The following WDR90 variants were observed in gnomAD, a reference collection of about 807,000 sequenced individuals.
WDR90 encodes WD repeat domain 90.
WDR90 carries 238 observed loss-of-function variants against 195.2 expected under a neutral mutation model. The ratio of observed to expected loss-of-function variants is 1.22; its 90% CI spans 1.10 to 1.36. WDR90 has a LOEUF of 1.36. WDR90 is among the 40% of genes most tolerant of loss of function. The probability of loss-of-function intolerance (pLI) is 0.00; values close to 1 mark genes in which losing one functional copy is unlikely to be tolerated. For missense variants in WDR90, 2,734 were observed against 2,439.5 expected (o/e 1.12, Z -2.54); for synonymous variants, 1,265 against 1,052.4 (o/e 1.20, Z -3.91).
intron 27 of WDR90, 61 bp from the exon 28 acceptor site, chr16:660,551 G>A: frequency 6.6e-7 from 1 of 1,513,264 alleles, no homozygotes; most frequent in Non-Finnish European, 9.0e-7. Flanking sequence ...CCCATGTGCA[G>A]GCTTTGGGGC....
chr16:655,296 A>C lies in WDR90; in HGVS notation c.1557-11A>C, dbSNP rs777406856. The C allele has an allele frequency of 1.2e-6, 2 of 1,608,072 alleles. No individual in the cohort carries two copies. Among genetic ancestry groups the C allele is most frequent in the Non-Finnish European group, 1.7e-6 (2 of 1,179,738 alleles). On this transcript the variant is annotated splice_polypyrimidine_tract_variant and intron_variant, in intron 14 of 40. Transcript: ENST00000293879. ...CGAGCTGCGGCAGTGCTCAGTCCTC[A>C]TTCCTTGCAGGATGGCGTCGTGCGG...
In WDR90 at chr16:656,728, A is replaced by G. The variant is rs1274366154; in HGVS notation, c.2203-4A>G. Reference sequence around the variant, plus strand: ...CTCCCCTCAGCACGGCCCCTGTCCCACAGCTATACGACTTCACATCATCAG... The same window carrying G: ...CTCCCCTCAGCACGGCCCCTGTCCCGCAGCTATACGACTTCACATCATCAG... On this transcript the variant is annotated splice_polypyrimidine_tract_variant and splice_region_variant and intron_variant, in intron 18 of 40. Transcript: ENST00000293879. 3 of 1,611,574 alleles carry G rather than the reference A, an allele frequency of 1.9e-6. No individual in the cohort carries two copies. The highest frequency in any genetic ancestry group is 1.1e-5 in the South Asian group (1 of 90,942).
At position 656,314 on chromosome 16, in the gene WDR90, C is replaced by G; in HGVS notation, c.1979C>G (p.Pro660Arg). Residue 660 changes from proline to arginine, a missense_variant, in exon 18 of 41, where the codon CCC (proline) becomes CGC (arginine). Physicochemically the swap from Pro to Arg is moderately radical, Grantham distance 103. Transcript: ENST00000293879. ...ACCCCACCCACAGAGCACGAGGGCC[C>G]CGTCAGCTCAGTCTGTGTCAGCCCC... ...SVLLEAEHEG[P>R]VSSVCVSPDG... The G allele has an allele frequency of 1.2e-6, 2 of 1,607,916 alleles. No individual in the cohort carries two copies. The highest frequency in any genetic ancestry group is 2.3e-4 in the Middle Eastern group (1 of 4,442).
chr16:650,287 C>G lies in WDR90; in HGVS notation c.313C>G (p.Leu105Val), dbSNP rs1028721957. The change falls in exon 4 of 41, where the codon CTC (leucine) becomes GTC (valine). Residue 105 changes from leucine to valine, a missense_variant. Physicochemically the swap from Leu to Val is conservative, Grantham distance 32. Transcript: ENST00000293879. ...AGTCATCCGTGTGTCTTTCTCCAACCTCTTCAAGGAGTTTAAGTCTACGGC... is the reference window on the plus strand; with the variant it reads ...AGTCATCCGTGTGTCTTTCTCCAACGTCTTCAAGGAGTTTAAGTCTACGGC... The part of the protein sequence containing the change: ...NQVIRVSFSN[L>V]FKEFKSTATW... The G allele has an allele frequency of 2.6e-5, 42 of 1,612,886 alleles. No homozygotes were observed. The highest frequency in any genetic ancestry group is 3.6e-5 in the Non-Finnish European group (42 of 1,179,960).
chr16:654,147 A>C (rs1596460686), intron 13 of WDR90: 1 of 358,390 alleles, frequency 2.8e-6, no homozygotes, highest in Non-Finnish European at 5.0e-6. Context: ...CATCAATGGC[A>C]CCTCCACACA....
intron 10 of WDR90, 123 bp downstream of exon 10, chr16:652,658 CT>C (rs1324189684): frequency 2.6e-5 from 28 of 1,070,810 alleles, no homozygotes; most frequent in South Asian, 2.6e-4. Flanking sequence ...CCGAGCCCCC[CT>C]GGCACAGCGG....
In WDR90 at chr16:655,471, G is replaced by C. The variant is rs377228436; in HGVS notation, c.1718+3G>C. ...CCGGAGCCCTCGGCTGCCATGCTGTGAGTCCCTGCCCTTCCCCACGGCCTG... is the reference window on the plus strand; with the variant it reads ...CCGGAGCCCTCGGCTGCCATGCTGTCAGTCCCTGCCCTTCCCCACGGCCTG... On this transcript the variant is annotated splice_donor_region_variant and intron_variant, in intron 15 of 40. Transcript: ENST00000293879. The C allele has an allele frequency of 1.4e-4, 218 of 1,533,316 alleles. No individual in the cohort carries two copies. The highest frequency in any genetic ancestry group is 1.9e-4 in the Non-Finnish European group (215 of 1,140,796). 95.0% of individuals were successfully genotyped at this position (1,533,316 alleles called of 1,614,324 possible).
At position 649,917 on chromosome 16, in the gene WDR90, GC is replaced by G. The variant is rs2037606363; in HGVS notation, c.102+68del. ...GCCCTGCCCCCAGGAGAGCTGCCCC[GC>G]CCCCGAGGGCCCCCTCGCCCCCGCT... On this transcript the variant is annotated intron_variant, in intron 2 of 40. Transcript: ENST00000293879. The G allele has an allele frequency of 1.9e-6, 3 of 1,576,866 alleles. No individual in the cohort carries two copies. In the Admixed American group the frequency reaches 5.2e-5, roughly 27 times the overall value.
intron 34 of WDR90, chr16:665,404 C>T: frequency 1.7e-6 from 1 of 591,456 alleles, no homozygotes; most frequent in Non-Finnish European, 3.0e-6. Flanking sequence ...GGCCACGCTC[C>T]TGTCTTTGAG....
chr16:659,229 G>C lies in WDR90; in HGVS notation c.3053-16G>C. 1.2e-6 allele frequency: 2 copies of C among 1,611,488 alleles called. No individual in the cohort carries two copies. The highest frequency in any genetic ancestry group is 2.2e-5 in the East Asian group (1 of 44,864). On this transcript the variant is annotated splice_polypyrimidine_tract_variant and intron_variant, in intron 25 of 40. Transcript: ENST00000293879. Reference sequence around the variant, plus strand: ...CCTCTTCCTTCCCAAACATCACAGGGCTGCTTCTTCCCCAGGCCCGGGCGC... The same window carrying C: ...CCTCTTCCTTCCCAAACATCACAGGCCTGCTTCTTCCCCAGGCCCGGGCGC...
At position 666,140 on chromosome 16, in the gene WDR90, T is replaced by C. The variant is rs1399967843; in HGVS notation, c.4609+16T>C. 4 of 1,607,274 alleles carry C rather than the reference T, an allele frequency of 2.5e-6. No homozygotes were observed. Among genetic ancestry groups the C allele is most frequent in the Non-Finnish European group, 3.4e-6 (4 of 1,175,886 alleles). ...TCCACCGATGGTGAGGAGTTGGGTG[T>C]GTTGGGGATGGTGCCGTCCTGACCT... On this transcript the variant is annotated intron_variant, in intron 36 of 40. Transcript: ENST00000293879.
intron 9 of WDR90, 51 bp from the exon 10 acceptor site, chr16:652,416 C>T: frequency 1.9e-6 from 3 of 1,552,486 alleles, no homozygotes; most frequent in South Asian, 2.4e-5. Context: ...GTCGGGCATT[C>T]TGGGGACCTG....
rs760704568 is a variant in WDR90, at chr16:653,652, A to C, written c.1361A>C (p.His454Pro). Residue 454 changes from histidine (H) to proline (P), a missense_variant, in exon 12 of 41, where the codon CAC (histidine) becomes CCC (proline). Coordinates refer to ENST00000293879, the MANE Select transcript of WDR90 (RefSeq NM_145294.5). ...TTGTGCCTGTTCCGGAGCCCAATGC[A>C]CGTTGTCTGCTCTCTCAGGTGAGCA... ...RCLCLFRSPMHVVCSLSFSDS... is the reference protein window; with the variant it reads ...RCLCLFRSPMPVVCSLSFSDS... The C allele has an allele frequency of 1.4e-5, 23 of 1,613,378 alleles. No individual in the cohort carries two copies. The South Asian group carries it at 2.0e-4, about 14-fold the overall frequency.
chr16:649,476 G>A (rs1180984282), intron 1 of WDR90, 50 bp downstream of exon 1: 9 of 1,286,268 alleles, frequency 7.0e-6, no homozygotes, highest in Non-Finnish European at 8.8e-6. Flanking sequence ...CCGGGGTTCC[G>A]GGGTCCAGGG....
Position 650,598 on chromosome 16 carries a change from G to A in WDR90, c.448G>A (p.Asp150Asn). ...RWTCLQLDLQ[D>N]VLLVYLNRCY... The stretch of plus-strand genomic sequence containing the variant: ...GACCTGCCTGCAGCTCGATCTGCAG[G>A]ACGTTCTCCTGGTCTACCTGAACCG... Residue 150 changes from aspartate to asparagine, a missense_variant, in exon 5 of 41, where the codon GAC (aspartate) becomes AAC (asparagine). By Grantham distance (23) the Asp-to-Asn change is conservative. Transcript: ENST00000293879. 6.2e-7 allele frequency: 1 copy of A among 1,612,736 alleles called. No homozygotes were observed. Among genetic ancestry groups the A allele is most frequent in the Non-Finnish European group, 8.5e-7 (1 of 1,179,900 alleles).
At chr16:653,475 C>T (rs368393262) in intron 11 of WDR90, 24 bp downstream of exon 11, 1 of 1,612,252 alleles carries the variant, frequency 6.2e-7, no homozygotes, top group Non-Finnish European at 8.5e-7. Flanking sequence ...GGGCCTGGGG[C>T]AGCTCACACC....
In WDR90 at chr16:658,890, C is replaced by A; in HGVS notation, c.2896-6C>A. On this transcript the variant is annotated splice_polypyrimidine_tract_variant and splice_region_variant and intron_variant, in intron 23 of 40. Transcript: ENST00000293879. Reference sequence around the variant, plus strand: ...GGGGTCCTGCATGTGACGCCGCTACCCCTAGGTGTACATCGGCCACTCGGA... The same window carrying A: ...GGGGTCCTGCATGTGACGCCGCTACACCTAGGTGTACATCGGCCACTCGGA... 1 of 1,611,340 alleles carries A rather than the reference C, an allele frequency of 6.2e-7. No homozygotes were observed. Among genetic ancestry groups the A allele is most frequent in the East Asian group, 2.2e-5 (1 of 44,882 alleles).
At chr16:657,344 G>C (rs1596463582) in intron 20 of WDR90, 123 bp downstream of exon 20, 10 of 1,388,026 alleles carry the variant, frequency 7.2e-6, no homozygotes, top group East Asian at 2.5e-5. Context: ...CTGTGGGGGG[G>C]CGTGGCCGCC....
At chr16:659,443 A>G in intron 26 of WDR90, 67 bp downstream of exon 26, 1 of 1,553,492 alleles carries the variant, frequency 6.4e-7, no homozygotes, top group Non-Finnish European at 8.7e-7. Context: ...GCCCAGTGGC[A>G]GCAGGTACTC....
Sources: allele counts gnomAD v4.1 joint callset, GRCh38; gene constraint gnomAD v4.1.1; transcripts MANE v1.5; gene names NCBI Gene and HGNC (gene_info 2026-07-23, HGNC 2026-07-21).